Variants in CTDP1 observed in about 807,000 individuals in gnomAD.
CTDP1 encodes the protein RNA polymerase II subunit A C-terminal domain phosphatase.
In CTDP1, 47 loss-of-function variants were observed where a neutral mutation model predicts 91.8. That is an observed-to-expected ratio of 0.51 (90% CI 0.41 to 0.65). The LOEUF is 0.65. Among genes scored for constraint, CTDP1 ranks in the 30% least tolerant of loss-of-function variants. The pLI, the probability that CTDP1 is intolerant of heterozygous loss-of-function variation, is 0.00. For missense variants in CTDP1, 1,272 were observed against 1,373.7 expected, an observed-to-expected ratio of 0.93 and a Z score of 1.17; for synonymous variants, 656 against 598.5, an observed-to-expected ratio of 1.10 and a Z score of -1.40.
At chr18:79,735,426 T>C (rs1280013786) in intron 11 of CTDP1, among the ~76,000 whole-genome samples, 1 of 152,208 alleles carries the variant, frequency 6.6e-6, no homozygotes, top group Admixed American at 6.5e-5. Context: ...GGGGCCGTGC[T>C]CTTGGGATGG....
At chr18:79,704,264 G>T (rs144745738) in intron 4 of CTDP1, among the ~76,000 whole-genome samples, 4 of 152,222 alleles carry the variant, frequency 2.6e-5, no homozygotes, top group Non-Finnish European at 5.9e-5. Context: ...GCGGACATGC[G>T]TCCTCTGTCC....
At chr18:79,729,301 G>C (rs1049110018) in intron 11 of CTDP1, among the ~76,000 whole-genome samples, 6 of 152,230 alleles carry the variant, frequency 3.9e-5, no homozygotes, top group Non-Finnish European at 8.8e-5. Flanking sequence ...ATGAGAACAC[G>C]TGGAAGTTGT....
chr18:79,746,551 A>G (rs552157550), intron 12 of CTDP1, among the ~76,000 whole-genome samples: 2 of 152,366 alleles, frequency 1.3e-5, no homozygotes, highest in South Asian at 4.1e-4. Context: ...CATCTCTTGG[A>G]AAAGTGAGAG....
intron 1 of CTDP1, among the ~76,000 whole-genome samples, chr18:79,680,508 G>C (rs1332249769): frequency 1.3e-5 from 2 of 152,376 alleles, no homozygotes; most frequent in African/African-American, 4.8e-5. Context: ...GTTTGGAAAA[G>C]CTATGTTTGT....
At chr18:79,708,204 C>T (rs1000164841) in intron 5 of CTDP1, among the ~76,000 whole-genome samples, 6 of 152,206 alleles carry the variant, frequency 3.9e-5, no homozygotes, top group Non-Finnish European at 7.3e-5. Context: ...GAAGATCTTA[C>T]GGATCCCACA....
rs575498790 is a variant in CTDP1, at chr18:79,745,280, G to A, written c.2748-8372G>A. ...CTGTCCCTGCGTCCCTCCCGTGCGC[G>A]TTCTGTCCCTGCGTCCCTCCCGTGC... is the stretch of plus-strand genomic sequence containing the variant. On this transcript the variant is annotated intron_variant, in intron 12 of 12. Transcript: ENST00000613122. Among the ~76,000 whole-genome samples the A allele has an allele frequency of 3.7e-4, 49 of 133,352 alleles. 1 individual carries two copies. Among genetic ancestry groups the A allele is most frequent in the African/African-American group, 1.1e-3 (40 of 35,136 alleles). 87.5% of individuals were successfully genotyped at this position (133,352 alleles called of 152,430 possible).
chr18:79,746,544 C>A (rs999478551), intron 12 of CTDP1, among the ~76,000 whole-genome samples: 8 of 152,252 alleles, frequency 5.3e-5, no homozygotes, highest in African/African-American at 1.9e-4. Flanking sequence ...CAAACTGCAT[C>A]TCTTGGAAAA....
rs2086014523 is a variant in CTDP1 at position 79,708,516 on chromosome 18, G to A, written c.773-1830G>A. ...GGGGACGTGGAGCCAGGCGTTCCGG[G>A]GTGCATTCGGATCCGGAAGTGGACC... On this transcript the variant is annotated intron_variant, in intron 5 of 12. Coordinates refer to ENST00000613122, the MANE Select transcript of CTDP1 (RefSeq NM_004715.5). 4.6e-5 allele frequency among the ~76,000 whole-genome samples: 7 copies of A among 152,270 alleles called. No individual in the cohort carries two copies. The South Asian group carries it at 1.5e-3, about 32-fold the overall frequency.
rs999587931 is a variant in CTDP1, at chr18:79,741,134, G to A, written c.2747+4613G>A. Among the ~76,000 whole-genome samples, 8 of 146,962 alleles carry A rather than the reference G, an allele frequency of 5.4e-5. 1 individual carries two copies. The Middle Eastern group carries it at 0.016, about 287-fold the overall frequency. On this transcript the variant is annotated intron_variant, in intron 12 of 12. Transcript: ENST00000613122. ...GTGGTTGATCTGTCCCTGAGTCCCC[G>A]AGGTCCCCTTGCGGTTGATCTGTCC...
At chr18:79,747,047 T>C (rs939040021) in intron 12 of CTDP1, among the ~76,000 whole-genome samples, 12 of 152,212 alleles carry the variant, frequency 7.9e-5, no homozygotes, top group African/African-American at 2.9e-4. Context: ...AGAATTTGGG[T>C]ACAAAGCTGC....
intron 10 of CTDP1, among the ~76,000 whole-genome samples, chr18:79,720,381 G>A (rs2086316808): frequency 6.6e-6 from 1 of 150,632 alleles, no homozygotes. Flanking sequence ...GTGTCCTGGT[G>A]ATGCTGTCAC....
At chr18:79,686,003 C>T (rs549217599) in intron 1 of CTDP1, among the ~76,000 whole-genome samples, 105 of 152,300 alleles carry the variant, frequency 6.9e-4, no homozygotes, top group Non-Finnish European at 1.3e-3. Flanking sequence ...GCCCATTAAA[C>T]GTGGGTAAGT....
chr18:79,701,826 C>T (rs2085866027), intron 4 of CTDP1, among the ~76,000 whole-genome samples: 1 of 152,154 alleles, frequency 6.6e-6, no homozygotes, highest in Non-Finnish European at 1.5e-5. Flanking sequence ...TTCGAGACCC[C>T]AGCGGAGGAA....
intron 12 of CTDP1, among the ~76,000 whole-genome samples, chr18:79,744,405 CA>C (rs750716595): frequency 7.2e-5 from 11 of 152,056 alleles, no homozygotes; most frequent in Non-Finnish European, 1.5e-4. Flanking sequence ...TCACTTAATG[CA>C]AAAGAAAACA....
At chr18:79,688,830 A>G (rs472090) in intron 1 of CTDP1, among the ~76,000 whole-genome samples, 116,039 of 152,276 alleles carry the variant, frequency 0.76, 44,473 homozygotes, top group Middle Eastern at 0.79. Context: ...GTGAGCCACC[A>G]CACCCAGCCA....
In CTDP1 at chr18:79,754,007, G is replaced by A. The variant is rs1343143931; in HGVS notation, c.*217G>A. The A allele has an allele frequency of 1.5e-6, 1 of 670,264 alleles. No individual in the cohort carries two copies. The highest frequency in any genetic ancestry group is 3.0e-5 in the East Asian group (1 of 33,396). The allele number at this position is 670,264 out of a possible 1,614,324, so 41.5% of individuals were successfully genotyped here. ...ACTTTTGTAAGTGACAGGTGTTAAAGGCCCAGGTGTGCTGTGCCAAAGAGC... is the reference window on the plus strand; with the variant it reads ...ACTTTTGTAAGTGACAGGTGTTAAAAGCCCAGGTGTGCTGTGCCAAAGAGC... On this transcript the variant is annotated 3_prime_UTR_variant, in exon 13 of 13. Transcript: ENST00000613122.
Position 79,736,968 on chromosome 18 carries a change from C to T in CTDP1, c.2747+447C>T, listed in dbSNP as rs115907837. Among the ~76,000 whole-genome samples, 689 of 152,228 alleles carry T rather than the reference C, an allele frequency of 4.5e-3. 2 individuals are homozygous for T. The highest frequency in any genetic ancestry group is 0.016 in the African/African-American group (655 of 41,544). ...GTCTGTATGTGTGCACAGGCGTGTG[C>T]AGGGTCTGCACATGGCACTGCTGGT... On this transcript the variant is annotated intron_variant, in intron 12 of 12. Coordinates refer to ENST00000613122, the MANE Select transcript of CTDP1 (RefSeq NM_004715.5).
At chr18:79,714,300 C>T (rs374701574) in intron 7 of CTDP1, among the ~76,000 whole-genome samples, 191 bp from the exon 8 acceptor site, 15 of 152,150 alleles carry the variant, frequency 9.9e-5, no homozygotes, top group South Asian at 4.1e-4. Context: ...ATATCCAAAA[C>T]GTCCCTGGTC....
intron 4 of CTDP1, among the ~76,000 whole-genome samples, chr18:79,704,413 C>T (rs1438261825): frequency 6.6e-6 from 1 of 151,948 alleles, no homozygotes; most frequent in Non-Finnish European, 1.5e-5. Flanking sequence ...GGCGTGTACA[C>T]ACGCATGTCC....
Sources: gnomAD v4.1 joint callset for allele counts (sites outside exome capture counted in the v4.1 genomes callset) on GRCh38, gnomAD v4.1.1 for gene constraint, MANE v1.5 for transcripts, NCBI Gene and HGNC (gene_info 2026-07-23, HGNC 2026-07-21) for gene names.